MCCC2: variants seen among roughly 807,000 people sequenced by gnomAD.
MCCC2 encodes methylcrotonoyl-CoA carboxylase beta chain, mitochondrial.
Under a neutral mutation model 77.2 loss-of-function variants are expected in MCCC2, and 52 were observed. The observed-to-expected ratio is 0.67, with a 90% confidence interval of 0.54 to 0.85. MCCC2 has a LOEUF of 0.85. Among genes scored for constraint, MCCC2 ranks in the 40% least tolerant of loss-of-function variants. MCCC2 has a pLI of 0.00. For missense variants in MCCC2, 682 were observed against 703.2 expected (o/e 0.97, Z 0.34); for synonymous variants, 253 against 248.4 (o/e 1.02, Z -0.18).
intron 6 of MCCC2, among the ~76,000 whole-genome samples, chr5:71,606,546 T>C (rs1745684100): frequency 8.3e-6 from 1 of 120,630 alleles, no homozygotes; most frequent in African/African-American, 3.2e-5. Context: ...CTTCCTCTTT[T>C]CCTAATTGAA....
intron 13 of MCCC2, among the ~76,000 whole-genome samples, chr5:71,648,043 T>G (rs182282668): frequency 6.6e-6 from 1 of 152,274 alleles, no homozygotes; most frequent in Non-Finnish European, 1.5e-5. Context: ...TTGAGGAGTT[T>G]CTGAGCTTTT....
chr5:71,603,881 C>A (rs1364514010), intron 5 of MCCC2, among the ~76,000 whole-genome samples: 1 of 152,158 alleles, frequency 6.6e-6, no homozygotes, highest in African/African-American at 2.4e-5. Context: ...AGGAAACACA[C>A]CTATAATCAC....
At chr5:71,637,008 T>G (rs1340621397) in intron 10 of MCCC2, among the ~76,000 whole-genome samples, 1 of 152,052 alleles carries the variant, frequency 6.6e-6, no homozygotes, top group Non-Finnish European at 1.5e-5. Context: ...CCTTCCGAAG[T>G]GCTGGGATTA....
At chr5:71,652,009 G>A (rs781391373) in intron 15 of MCCC2, among the ~76,000 whole-genome samples, 9 of 152,194 alleles carry the variant, frequency 5.9e-5, no homozygotes, top group East Asian at 1.9e-4. Context: ...GCATATTTAC[G>A]TAAAAGAAGG....
At position 71,652,725 on chromosome 5, in the gene MCCC2, G is replaced by C. The variant is rs140220101; in HGVS notation, c.1545G>C (p.Glu515Asp). The C allele has an allele frequency of 7.0e-5, 113 of 1,614,146 alleles. 1 individual carries two copies. The African/African-American group carries it at 1.3e-3, about 18-fold the overall frequency. Residue 515 changes from glutamate to aspartate, a missense_variant, in exon 16 of 17, where the codon GAG (glutamate) becomes GAC (aspartate). Transcript: ENST00000340941. Reference sequence around the variant, plus strand: ...AGCCCATCATTAAGAAGTTTGAAGAGGAAGGAAACCCTTACTATTCCAGCG... The same window carrying C: ...AGCCCATCATTAAGAAGTTTGAAGACGAAGGAAACCCTTACTATTCCAGCG... ...LKEPIIKKFE[E>D]EGNPYYSSAR...
In MCCC2 at chr5:71,650,113, T is replaced by C. The variant is rs770438549; in HGVS notation, c.1418T>C (p.Met473Thr). 1.9e-6 allele frequency: 3 copies of C among 1,614,032 alleles called. No homozygotes were observed. The African/African-American group carries it at 4.0e-5, about 22-fold the overall frequency. Residue 473 changes from methionine (M) to threonine (T), a missense_variant, in exon 15 of 17, where the codon ATG becomes ACG. Met to Thr is a moderately conservative substitution (Grantham distance 81). Coordinates refer to ENST00000340941, the MANE Select transcript of MCCC2 (RefSeq NM_022132.5). ...TGGCCAAATGCTCGTATCTCAGTGA[T>C]GGGAGGAGAGCAGGCAGCCAATGTG... ...YIWPNARISV[M>T]GGEQAANVLA...
intron 5 of MCCC2, 73 bp from the exon 6 acceptor site, chr5:71,604,283 T>A: frequency 7.9e-7 from 1 of 1,267,236 alleles, no homozygotes; most frequent in East Asian, 2.3e-5. Context: ...GATGCTGTCA[T>A]TGATACAAGT....
chr5:71,639,393 A>T (rs1436044175), intron 10 of MCCC2, among the ~76,000 whole-genome samples: 1 of 152,010 alleles, frequency 6.6e-6, no homozygotes, highest in Non-Finnish European at 1.5e-5. Flanking sequence ...TTGTGGTACA[A>T]ATGGCTTTTT....
chr5:71,594,207 A>T (rs1745087890), intron 2 of MCCC2, among the ~76,000 whole-genome samples: 2 of 152,040 alleles, frequency 1.3e-5, no homozygotes, highest in Non-Finnish European at 2.9e-5. Context: ...GATTTGGTGA[A>T]CTCACTGTCC....
chr5:71,603,932 C>A (rs977111624), intron 5 of MCCC2, among the ~76,000 whole-genome samples: 14 of 152,130 alleles, frequency 9.2e-5, no homozygotes, highest in Non-Finnish European at 1.6e-4. Context: ...ACGCAACTGA[C>A]CTGTGTACCC....
At chr5:71,643,790 C>G in intron 11 of MCCC2, 29 bp from the exon 12 acceptor site, 2 of 1,613,982 alleles carry the variant, frequency 1.2e-6, no homozygotes, top group Non-Finnish European at 1.7e-6. Context: ...AAGCACAAGA[C>G]ATAAATCTTC....
rs1747592425 is a variant in MCCC2 at position 71,656,782 on chromosome 5, A to C, written c.1614A>C (p.Arg538Ser). The C allele has an allele frequency of 1.9e-6, 3 of 1,614,200 alleles. No homozygotes were observed. Among genetic ancestry groups the C allele is most frequent in the Non-Finnish European group, 2.5e-6 (3 of 1,180,020 alleles). Residue 538 changes from arginine to serine, a missense_variant, in exon 17 of 17, where the codon AGA becomes AGC. Arg to Ser is a moderately radical substitution (Grantham distance 110). Transcript: ENST00000340941. ...DDGIIDPADT[R>S]LVLGLSFSAA... ...GGATCATTGATCCAGCAGACACCAG[A>C]CTGGTCTTGGGTCTCAGTTTTAGTG...
intron 1 of MCCC2, among the ~76,000 whole-genome samples, chr5:71,592,519 T>C (rs1351983796): frequency 2.0e-5 from 3 of 152,180 alleles, no homozygotes; most frequent in African/African-American, 7.2e-5. Context: ...AAAAATAAGA[T>C]GGTATTCTAA....
chr5:71,605,249 T>G (rs2112333070), intron 6 of MCCC2, among the ~76,000 whole-genome samples: 1 of 151,414 alleles, frequency 6.6e-6, no homozygotes, highest in African/African-American at 2.4e-5. Context: ...CCCTGTTGTT[T>G]CCTGACTTTT....
intron 6 of MCCC2, among the ~76,000 whole-genome samples, chr5:71,625,835 T>G (rs771820874): frequency 1.1e-4 from 16 of 152,344 alleles, no homozygotes; most frequent in South Asian, 2.1e-4. Flanking sequence ...ACATGCTGTT[T>G]GCATGCCTAT....
At chr5:71,598,196 C>T (rs1220568151) in intron 3 of MCCC2, among the ~76,000 whole-genome samples, 3 of 151,708 alleles carry the variant, frequency 2.0e-5, no homozygotes, top group South Asian at 2.1e-4. Context: ...CTCAGCCTCC[C>T]GAGTAGCTGG....
chr5:71,620,793 G>A (rs1580305386), intron 6 of MCCC2, among the ~76,000 whole-genome samples: 1 of 152,098 alleles, frequency 6.6e-6, no homozygotes, highest in Non-Finnish European at 1.5e-5. Context: ...TTACTGTCAG[G>A]TATGTCTCAT....
At position 71,657,138 on chromosome 5, in the gene MCCC2, A is replaced by G. The variant is rs1747603288; in HGVS notation, c.*278A>G. ...TCCTTTCTGACCCACAAAGTATGAA[A>G]AGTTCTGTAATCTGTAAACTCAGTT... On this transcript the variant is annotated 3_prime_UTR_variant, in exon 17 of 17. Coordinates refer to ENST00000340941, the MANE Select transcript of MCCC2 (RefSeq NM_022132.5). 2.6e-6 allele frequency: 1 copy of G among 386,460 alleles called. No homozygotes were observed. The highest frequency in any genetic ancestry group is 4.9e-6 in the Non-Finnish European group (1 of 206,138). The allele number at this position is 386,460 out of a possible 1,614,324, so 23.9% of individuals were successfully genotyped here.
At position 71,656,999 on chromosome 5, in the gene MCCC2, A is replaced by AT; in HGVS notation, c.*139_*140insT. ...TGCATTGTACTTTTCTACCTTAAAA[A>AT]AATCAGTGAGGATATTTATTTAATG... On this transcript the variant is annotated 3_prime_UTR_variant, in exon 17 of 17. Transcript: ENST00000340941. 1.5e-6 allele frequency: 1 copy of AT among 662,640 alleles called. No individual in the cohort carries two copies. The highest frequency in any genetic ancestry group is 2.7e-6 in the Non-Finnish European group (1 of 372,844). 41.0% of individuals were successfully genotyped at this position (662,640 alleles called of 1,614,324 possible).
Sources: gnomAD v4.1 joint callset for allele counts (sites outside exome capture counted in the v4.1 genomes callset) on GRCh38, gnomAD v4.1.1 for gene constraint, MANE v1.5 for transcripts, NCBI Gene and HGNC (gene_info 2026-07-23, HGNC 2026-07-21) for gene names.